Variants in HS6ST1 observed in about 807,000 individuals in gnomAD.
HS6ST1 encodes heparan-sulfate 6-O-sulfotransferase 1.
In HS6ST1, 3 loss-of-function variants were observed where a neutral mutation model predicts 25.2. That is an observed-to-expected ratio of 0.12 (90% CI 0.05 to 0.31). The LOEUF is 0.31. Ranked by LOEUF, HS6ST1 falls within the 10% of genes least tolerant of loss-of-function variation. HS6ST1 has a pLI of 1.00. For synonymous variants in HS6ST1, 204 were observed against 275.1 expected (o/e 0.74, Z 2.56); for missense variants, 310 against 609.6 (o/e 0.51, Z 5.18).
intron 1 of HS6ST1, among the ~76,000 whole-genome samples, chr2:128,273,348 G>T (rs929724806): frequency 6.6e-6 from 1 of 152,198 alleles, no homozygotes; most frequent in Non-Finnish European, 1.5e-5. Context: ...TAGACAAAGG[G>T]CCAGCCAGAC....
At chr2:128,305,135 G>T (rs1286795139) in intron 1 of HS6ST1, among the ~76,000 whole-genome samples, 1 of 152,236 alleles carries the variant, frequency 6.6e-6, no homozygotes, top group Non-Finnish European at 1.5e-5. Context: ...CCCACTTGCT[G>T]AAGGATGGGG....
intron 1 of HS6ST1, among the ~76,000 whole-genome samples, chr2:128,270,462 G>A (rs1230020553): frequency 6.6e-6 from 1 of 152,248 alleles, no homozygotes; most frequent in Non-Finnish European, 1.5e-5. Context: ...CCATGCTGAT[G>A]GCAGCAGCTC....
In HS6ST1 at chr2:128,268,455, G is replaced by T; in HGVS notation, c.943C>A (p.Pro315Thr). ...ERTFNLKFIRPFMQYNSTRAG... is the reference protein window; with the variant it reads ...ERTFNLKFIRTFMQYNSTRAG... Reference sequence around the variant, plus strand: ...CGCGTGCTATTGTACTGCATGAAGGGCCGGATGAACTTGAGGTTGAACGTC... The same window carrying T: ...CGCGTGCTATTGTACTGCATGAAGGTCCGGATGAACTTGAGGTTGAACGTC... The change falls in exon 2 of 2, where the codon CCC (proline) becomes ACC (threonine). Residue 315 changes from proline (P) to threonine (T), a missense_variant. This residue lies in a region of HS6ST1 where 140 missense variants were observed against 176.5 expected (regional missense o/e 0.79). Transcript: ENST00000259241. 1 of 1,613,518 alleles carries T rather than the reference G, an allele frequency of 6.2e-7. No individual in the cohort carries two copies. Among genetic ancestry groups the T allele is most frequent in the Non-Finnish European group, 8.5e-7 (1 of 1,179,838 alleles).
At chr2:128,277,560 C>T (rs796189666) in intron 1 of HS6ST1, among the ~76,000 whole-genome samples, 24 of 152,320 alleles carry the variant, frequency 1.6e-4, no homozygotes, top group African/African-American at 5.5e-4. Context: ...AGCCGGCCTA[C>T]GTCCCTCCCT....
intron 1 of HS6ST1, among the ~76,000 whole-genome samples, chr2:128,307,501 C>T (rs777860171): frequency 5.9e-5 from 9 of 152,194 alleles, no homozygotes; most frequent in Non-Finnish European, 1.2e-4. Context: ...AAATGATGAA[C>T]AGGAGGAGAG....
intron 1 of HS6ST1, among the ~76,000 whole-genome samples, chr2:128,280,842 C>G (rs1693775491): frequency 6.6e-6 from 1 of 152,230 alleles, no homozygotes; most frequent in African/African-American, 2.4e-5. Flanking sequence ...GCCCACACCC[C>G]TTCCAGAGAG....
intron 1 of HS6ST1, among the ~76,000 whole-genome samples, chr2:128,317,564 C>A (rs1694391780): frequency 6.6e-6 from 1 of 152,336 alleles, no homozygotes; most frequent in African/African-American, 2.4e-5. Flanking sequence ...TGAAGGCAGG[C>A]ACTCCAGGCA....
intron 1 of HS6ST1, among the ~76,000 whole-genome samples, chr2:128,283,483 G>C (rs1693815325): frequency 6.6e-6 from 1 of 152,202 alleles, no homozygotes; most frequent in Non-Finnish European, 1.5e-5. Flanking sequence ...CTGTGAGATG[G>C]TCTGCTCCAC....
chr2:128,290,282 C>T (rs778383568), intron 1 of HS6ST1: 3 of 151,980 alleles, frequency 2.0e-5, no homozygotes, highest in Non-Finnish European at 2.9e-5. Context: ...TTAAAAGAAC[C>T]AGATTTTTGT....
At chr2:128,278,401 G>C (rs1005221754) in intron 1 of HS6ST1, among the ~76,000 whole-genome samples, 1 of 152,234 alleles carries the variant, frequency 6.6e-6, no homozygotes, top group African/African-American at 2.4e-5. Context: ...GTCTGGGGCG[G>C]GCGAAGGAGG....
chr2:128,284,932 T>C (rs1251157894), intron 1 of HS6ST1, among the ~76,000 whole-genome samples: 1 of 152,186 alleles, frequency 6.6e-6, no homozygotes, highest in East Asian at 1.9e-4. Flanking sequence ...AGCTCAGTTT[T>C]TCTGGACCTG....
intron 1 of HS6ST1, among the ~76,000 whole-genome samples, chr2:128,289,109 A>G (rs934462173): frequency 3.7e-4 from 56 of 152,264 alleles, no homozygotes; most frequent in Admixed American, 2.0e-4. Context: ...TTCAGAGCCT[A>G]AACAGCCCAC....
chr2:128,304,635 A>G lies in HS6ST1; in HGVS notation c.527+13402T>C, dbSNP rs567102682. Among the ~76,000 whole-genome samples the G allele has an allele frequency of 8.9e-5, 9 of 101,374 alleles. No individual in the cohort carries two copies. In the East Asian group the frequency reaches 2.3e-3, roughly 26 times the overall value. The allele number at this position is 101,374 out of a possible 152,430, so 66.5% of individuals were successfully genotyped here. ...GGAGAGCCCAGCACTGCAGCAATGC[A>G]CACAGCCGCTGTAGTCAGATGCTGG... On this transcript the variant is annotated intron_variant, in intron 1 of 1. Coordinates refer to ENST00000259241, the MANE Select transcript of HS6ST1 (RefSeq NM_004807.3).
chr2:128,295,167 G>A (rs965986897), intron 1 of HS6ST1, among the ~76,000 whole-genome samples: 2 of 152,198 alleles, frequency 1.3e-5, no homozygotes, highest in Middle Eastern at 3.2e-3. Flanking sequence ...AGATGTTGCC[G>A]GCTGATGGCA....
At chr2:128,304,252 C>T (rs545726570) in intron 1 of HS6ST1, among the ~76,000 whole-genome samples, 19 of 152,314 alleles carry the variant, frequency 1.2e-4, no homozygotes, top group African/African-American at 4.1e-4. Context: ...CTGGAGAACC[C>T]TAATATAGCT....
rs78474171 is a variant in HS6ST1 at position 128,312,131 on chromosome 2, T to C, written c.527+5906A>G. ...CCAGGTCTCAGAAGCCCTAGTGTTC[T>C]ACATCTGGCTGGTCTGGGCCAGCGG... is the stretch of plus-strand genomic sequence containing the variant. On this transcript the variant is annotated intron_variant, in intron 1 of 1. Transcript: ENST00000259241. 8.1e-3 allele frequency among the ~76,000 whole-genome samples: 1,230 copies of C among 152,330 alleles called. 11 individuals are homozygous for C. The highest frequency in any genetic ancestry group is 0.012 in the Admixed American group (187 of 15,308).
At chr2:128,297,209 C>T (rs1031009621) in intron 1 of HS6ST1, among the ~76,000 whole-genome samples, 2 of 152,148 alleles carry the variant, frequency 1.3e-5, no homozygotes, top group African/African-American at 4.8e-5. Flanking sequence ...CAATGGAATA[C>T]GATAAAGAGC....
intron 1 of HS6ST1, among the ~76,000 whole-genome samples, chr2:128,272,014 T>C (rs997344794): frequency 2.0e-5 from 3 of 152,204 alleles, no homozygotes; most frequent in African/African-American, 7.2e-5. Context: ...GGCGTTCAGA[T>C]GGCCCCTGGC....
At chr2:128,307,822 A>G (rs912635028) in intron 1 of HS6ST1, among the ~76,000 whole-genome samples, 17 of 152,148 alleles carry the variant, frequency 1.1e-4, no homozygotes, top group African/African-American at 4.1e-4. Context: ...TCCCTCTGAC[A>G]CACTCCTAGG....
Sources: allele counts gnomAD v4.1 joint callset (sites outside exome capture counted in the v4.1 genomes callset), GRCh38; gene constraint gnomAD v4.1.1; regional missense constraint gnomAD v4.1.1; transcripts MANE v1.5; gene names NCBI Gene and HGNC (gene_info 2026-07-23, HGNC 2026-07-21).